YAP1: variants seen among roughly 807,000 people sequenced by gnomAD.
The protein encoded by YAP1 is Yes1 associated transcriptional regulator.
A neutral mutation model predicts 56.9 loss-of-function variants in YAP1; 5 were observed. The ratio of observed to expected loss-of-function variants is 0.09; its 90% CI spans 0.05 to 0.18. The LOEUF (loss-of-function observed/expected upper bound fraction) is 0.18, where lower values mean the gene tolerates loss of function less well. Among genes scored for constraint, YAP1 ranks in the 10% least tolerant of loss-of-function variants. The probability of loss-of-function intolerance (pLI) is 1.00; values close to 1 mark genes in which losing one functional copy is unlikely to be tolerated. For synonymous variants in YAP1, 265 were observed against 248.1 expected (o/e 1.07, Z -0.64); for missense variants, 539 against 651.8 (o/e 0.83, Z 1.88).
chr11:102,143,942 A>G (rs1945169798), intron 2 of YAP1, among the ~76,000 whole-genome samples: 2 of 152,364 alleles, frequency 1.3e-5, no homozygotes, highest in Non-Finnish European at 2.9e-5. Flanking sequence ...GATTTCTTTC[A>G]TAGTACCTGA....
intron 3 of YAP1, among the ~76,000 whole-genome samples, chr11:102,175,416 C>A (rs1441873711): frequency 1.3e-5 from 2 of 152,002 alleles, no homozygotes; most frequent in Non-Finnish European, 2.9e-5. Flanking sequence ...AAACTTATTT[C>A]TTTTACCAAA....
chr11:102,116,157 G>C (rs1591107914), intron 2 of YAP1, among the ~76,000 whole-genome samples: 1 of 152,104 alleles, frequency 6.6e-6, no homozygotes, highest in East Asian at 1.9e-4. Flanking sequence ...ACCAACCTCT[G>C]ATTGAAAATA....
Position 102,171,244 on chromosome 11 carries a change from T to G in YAP1, c.688+8673T>G, listed in dbSNP as rs149619921. Among the ~76,000 whole-genome samples, 560 of 152,310 alleles carry G rather than the reference T, an allele frequency of 3.7e-3. 5 individuals are homozygous for G. The highest frequency in any genetic ancestry group is 2.8e-3 in the Non-Finnish European group (193 of 68,020). ...ATTATTTTTGTCTTTCCCACTGATTTCTAAATCCTTCTGGTTACTCTATTG... is the reference window on the plus strand; with the variant it reads ...ATTATTTTTGTCTTTCCCACTGATTGCTAAATCCTTCTGGTTACTCTATTG... On this transcript the variant is annotated intron_variant, in intron 3 of 8. Transcript: ENST00000282441.
At chr11:102,179,239 T>G (rs1284454615) in intron 3 of YAP1, among the ~76,000 whole-genome samples, 1 of 152,146 alleles carries the variant, frequency 6.6e-6, no homozygotes, top group Non-Finnish European at 1.5e-5. Flanking sequence ...GAAAGAAGAC[T>G]TTGGTATTGG....
chr11:102,207,862 T>C (rs978817744), intron 5 of YAP1, among the ~76,000 whole-genome samples: 10 of 152,210 alleles, frequency 6.6e-5, no homozygotes, highest in African/African-American at 1.2e-4. Context: ...CAGGAACTTG[T>C]TGGGGCTCAG....
rs201354835 is a variant in YAP1, at chr11:102,111,052, C to G, written c.204C>G (p.Leu68=). The change falls in exon 1 of 9, where the codon CTC becomes CTG. Residue 68 remains leucine (L), a synonymous_variant. Coordinates refer to ENST00000282441, the MANE Select transcript of YAP1 (RefSeq NM_001130145.3). The part of the protein sequence containing the change: ...RGDSETDLEA[L]FNAVMNPKTA... ...ACTCGGAGACCGACCTGGAGGCGCTCTTCAACGCCGTCATGAACCCCAAGA... is the reference window on the plus strand; with the variant it reads ...ACTCGGAGACCGACCTGGAGGCGCTGTTCAACGCCGTCATGAACCCCAAGA... The G allele has an allele frequency of 2.2e-4, 348 of 1,612,990 alleles. No individual in the cohort carries two copies. Among genetic ancestry groups the G allele is most frequent in the Non-Finnish European group, 2.7e-4 (323 of 1,179,766 alleles).
At chr11:102,112,150 A>C (rs1942974972) in intron 1 of YAP1, among the ~76,000 whole-genome samples, 1 of 152,242 alleles carries the variant, frequency 6.6e-6, no homozygotes. Context: ...AATACACTGC[A>C]GGTTGACTCA....
In YAP1 at chr11:102,122,668, C is replaced by T. The variant is rs200827347; in HGVS notation, c.572+8274C>T. On this transcript the variant is annotated intron_variant, in intron 2 of 8. Coordinates refer to ENST00000282441, the MANE Select transcript of YAP1 (RefSeq NM_001130145.3). Reference sequence around the variant, plus strand: ...CAGCACTTCGGAAGGCCAAGGCGGGCGGATCACCTGAGGTCAGGAGTTTGA... The same window carrying T: ...CAGCACTTCGGAAGGCCAAGGCGGGTGGATCACCTGAGGTCAGGAGTTTGA... 7.7e-4 allele frequency among the ~76,000 whole-genome samples: 117 copies of T among 152,002 alleles called. No individual in the cohort carries two copies. In the East Asian group the frequency reaches 0.017, roughly 22 times the overall value.
At chr11:102,120,045 AGGT>A (rs1227534990) in intron 2 of YAP1, among the ~76,000 whole-genome samples, 2 of 152,206 alleles carry the variant, frequency 1.3e-5, no homozygotes, top group Admixed American at 1.3e-4. Flanking sequence ...TGTGGTTACT[AGGT>A]GATGCACTTC....
intron 3 of YAP1, among the ~76,000 whole-genome samples, chr11:102,177,780 G>A (rs932572412): frequency 6.6e-6 from 1 of 152,012 alleles, no homozygotes; most frequent in African/African-American, 2.4e-5. Context: ...CTTGTGAAGT[G>A]TCAAATGTCC....
At chr11:102,142,893 G>A (rs78118123) in intron 2 of YAP1, among the ~76,000 whole-genome samples, 1 of 152,154 alleles carries the variant, frequency 6.6e-6, no homozygotes, top group Non-Finnish European at 1.5e-5. Flanking sequence ...TTTGTTTTAT[G>A]TCCTGCATTT....
chr11:102,134,044 T>C (rs1030106124), intron 2 of YAP1, among the ~76,000 whole-genome samples: 1 of 152,192 alleles, frequency 6.6e-6, no homozygotes, highest in Non-Finnish European at 1.5e-5. Context: ...CTAATCGTAA[T>C]TAACTCCAAA....
chr11:102,200,964 G>A (rs889974019), intron 4 of YAP1, among the ~76,000 whole-genome samples: 3 of 152,126 alleles, frequency 2.0e-5, no homozygotes, highest in African/African-American at 4.8e-5. Flanking sequence ...TACATTACTA[G>A]TGAGGATACA....
At chr11:102,169,952 A>G (rs1002304534) in intron 3 of YAP1, among the ~76,000 whole-genome samples, 3 of 152,258 alleles carry the variant, frequency 2.0e-5, no homozygotes, top group Admixed American at 2.0e-4. Context: ...TCTTTTTGAA[A>G]TAAAAAAAGT....
rs911036133 is a variant in YAP1, at chr11:102,200,537, C to T, written c.803-5356C>T. On this transcript the variant is annotated intron_variant, in intron 4 of 8. Coordinates refer to ENST00000282441, the MANE Select transcript of YAP1 (RefSeq NM_001130145.3). ...TCAGCGTGCTGCAACCTCTGCCCCC[C>T]GTGTTCAAGTGATTATCGTGCCTCA... Among the ~76,000 whole-genome samples the T allele has an allele frequency of 2.0e-4, 31 of 151,852 alleles. 1 individual carries two copies. The highest frequency in any genetic ancestry group is 3.1e-4 in the Non-Finnish European group (21 of 67,966).
At chr11:102,175,672 G>A (rs767067450) in intron 3 of YAP1, among the ~76,000 whole-genome samples, 1 of 152,178 alleles carries the variant, frequency 6.6e-6, no homozygotes, top group Non-Finnish European at 1.5e-5. Flanking sequence ...ATCGCTCTTA[G>A]GCTACAAACC....
At chr11:102,183,702 C>CTGCGTG (rs1555011931) in intron 3 of YAP1, among the ~76,000 whole-genome samples, 1 of 141,714 alleles carries the variant, frequency 7.1e-6, no homozygotes, top group Non-Finnish European at 1.5e-5. Context: ...AATGCTGTTT[C>CTGCGTG]TGTGTGTGTG....
chr11:102,229,627 C>T (rs2135728718), intron 8 of YAP1, 75 bp from the exon 9 acceptor site: 6 of 1,389,300 alleles, frequency 4.3e-6, no homozygotes, highest in Non-Finnish European at 6.0e-6. Context: ...CTGTGCATTT[C>T]TCTGTGCTCA....
intron 4 of YAP1, chr11:102,186,566 G>A: frequency 5.9e-6 from 1 of 168,556 alleles, no homozygotes; most frequent in Non-Finnish European, 1.3e-5. Flanking sequence ...CTTATGCCTG[G>A]GTGTTGTAGT....
Sources: allele counts gnomAD v4.1 joint callset (sites outside exome capture counted in the v4.1 genomes callset), GRCh38; gene constraint gnomAD v4.1.1; transcripts MANE v1.5; gene names NCBI Gene and HGNC (gene_info 2026-07-23, HGNC 2026-07-21).